Variants in UNC80 observed in about 807,000 individuals in gnomAD.
UNC80 encodes the protein protein unc-80 homolog.
A neutral mutation model predicts 384.6 loss-of-function variants in UNC80; 164 were observed. The observed-to-expected ratio is 0.43, with a 90% CI of 0.38 to 0.49. UNC80 has a LOEUF of 0.49. Among genes scored for constraint, UNC80 ranks in the 20% least tolerant of loss-of-function variants. The probability of loss-of-function intolerance (pLI) is 0.00; values close to 1 mark genes in which losing one functional copy is unlikely to be tolerated. For missense variants in UNC80, 3,330 were observed against 4,143.0 expected (o/e 0.80, Z 5.39); for synonymous variants, 1,486 against 1,527.8 (o/e 0.97, Z 0.64).
rs2079648886 is a variant in UNC80, at chr2:209,815,264, C to T, written c.1208C>T (p.Thr403Ile). The stretch of plus-strand genomic sequence containing the variant: ...CTGTCTACCTTTATTAAGGATCTCA[C>T]CATGAAGTGTAACGAGGAGGAAAAA... ...LVNTHKTQDL[T>I]MKCNEEEKSL... Residue 403 changes from threonine to isoleucine, a missense_variant, in exon 9 of 65, where the codon ACC becomes ATC. Thr to Ile is a moderately conservative substitution (Grantham distance 89, BLOSUM62 -1). Transcript: ENST00000673920. 1 of 1,551,578 alleles carries T rather than the reference C, an allele frequency of 6.4e-7. No homozygotes were observed. Among genetic ancestry groups the T allele is most frequent in the Non-Finnish European group, 8.7e-7 (1 of 1,146,960 alleles).
chr2:209,932,969 T>C (rs1172839530), intron 38 of UNC80, among the ~76,000 whole-genome samples: 1 of 152,196 alleles, frequency 6.6e-6, no homozygotes, highest in African/African-American at 2.4e-5. Flanking sequence ...TTTGCGACAC[T>C]GATTCTTTCA....
At position 209,929,879 on chromosome 2, in the gene UNC80, G is replaced by A. The variant is rs2124964127; in HGVS notation, c.5815G>A (p.Val1939Met). The change falls in exon 37 of 65, where the codon GTG becomes ATG. Residue 1939 changes from valine (V) to methionine (M), a missense_variant. Val to Met is a conservative substitution (Grantham distance 21). This residue lies in a region of UNC80 where 1,049 missense variants were observed against 1,488.6 expected (regional missense o/e 0.70). Coordinates refer to ENST00000673920, the MANE Select transcript of UNC80 (RefSeq NM_001371986.1). ...VREDGVAVSAVAQQVLWNCLI... is the reference protein window; with the variant it reads ...VREDGVAVSAMAQQVLWNCLI... The stretch of plus-strand genomic sequence containing the variant: ...TTCTTTCTCTTCTGAAGTGAGTGCT[G>A]TGGCTCAACAAGTCTTATGGAACTG... 2 of 1,527,268 alleles carry A rather than the reference G, an allele frequency of 1.3e-6. No individual in the cohort carries two copies. The highest frequency in any genetic ancestry group is 1.8e-6 in the Non-Finnish European group (2 of 1,137,862). The allele number at this position is 1,527,268 out of a possible 1,614,324, so 94.6% of individuals were successfully genotyped here.
chr2:209,836,855 T>C (rs1375357590), intron 18 of UNC80, among the ~76,000 whole-genome samples: 1 of 152,162 alleles, frequency 6.6e-6, no homozygotes, highest in Non-Finnish European at 1.5e-5. Flanking sequence ...ACTAATTTCT[T>C]TGAAACTCAA....
intron 51 of UNC80, among the ~76,000 whole-genome samples, chr2:209,962,557 G>A (rs959246050): frequency 6.6e-6 from 1 of 152,182 alleles, no homozygotes; most frequent in Non-Finnish European, 1.5e-5. Flanking sequence ...TTCAGCAAGA[G>A]CAATTGATCT....
intron 16 of UNC80, 149 bp from the exon 17 acceptor site, chr2:209,833,853 A>T: frequency 1.5e-6 from 1 of 684,804 alleles, no homozygotes; most frequent in Non-Finnish European, 2.4e-6. Flanking sequence ...GGAGTATACC[A>T]CCAGTTTCAT....
At chr2:209,924,925 TA>T (rs1281653609) in intron 35 of UNC80, among the ~76,000 whole-genome samples, 4 of 152,030 alleles carry the variant, frequency 2.6e-5, no homozygotes, top group Non-Finnish European at 5.9e-5. Context: ...TTGAGGCTTT[TA>T]GGGGGCTCCA....
At chr2:209,844,480 C>CTTTCTTT (rs1559185899) in intron 21 of UNC80, among the ~76,000 whole-genome samples, 4 of 54,022 alleles carry the variant, frequency 7.4e-5, no homozygotes, top group Non-Finnish European at 1.1e-4. Context: ...TCTTTCTTTC[C>CTTTCTTT]TTCCTTCCTT....
At chr2:209,854,688 GA>G (rs1334222036) in intron 22 of UNC80, among the ~76,000 whole-genome samples, 1 of 151,566 alleles carries the variant, frequency 6.6e-6, no homozygotes, top group Non-Finnish European at 1.5e-5. Context: ...ATAAACAAAT[GA>G]AAAAAAAGCT....
At chr2:209,835,306 G>A (rs2081265423) in intron 18 of UNC80, among the ~76,000 whole-genome samples, 1 of 152,144 alleles carries the variant, frequency 6.6e-6, no homozygotes, top group Admixed American at 6.5e-5. Flanking sequence ...TATACCAGGT[G>A]GGCTGGGAGT....
At chr2:209,992,501 T>C (rs906010700) in intron 62 of UNC80, among the ~76,000 whole-genome samples, 1 of 152,240 alleles carries the variant, frequency 6.6e-6, no homozygotes, top group Non-Finnish European at 1.5e-5. Flanking sequence ...ATATTTTGCA[T>C]TCACCCTACC....
intron 28 of UNC80, among the ~76,000 whole-genome samples, 174 bp from the exon 29 acceptor site, chr2:209,904,591 G>T (rs2087946269): frequency 6.6e-6 from 1 of 152,182 alleles, no homozygotes; most frequent in African/African-American, 2.4e-5. Flanking sequence ...GAGAACAAAA[G>T]GCCATGTGGA....
chr2:209,970,746 A>G, intron 53 of UNC80, 86 bp from the exon 54 acceptor site: 1 of 1,429,062 alleles, frequency 7.0e-7, no homozygotes, highest in African/African-American at 1.4e-5. Context: ...TATCATTTTT[A>G]TTATCATCAT....
At chr2:209,946,118 T>G (rs1404751181) in intron 47 of UNC80, among the ~76,000 whole-genome samples, 175 bp downstream of exon 47, 1 of 152,170 alleles carries the variant, frequency 6.6e-6, no homozygotes, top group Non-Finnish European at 1.5e-5. Context: ...CCCAGCACTT[T>G]GGAAGGCTGA....
chr2:209,945,843 T>G lies in UNC80; in HGVS notation c.7190-4T>G. The G allele has an allele frequency of 1.9e-6, 3 of 1,550,778 alleles. No individual in the cohort carries two copies. Among genetic ancestry groups the G allele is most frequent in the Non-Finnish European group, 2.6e-6 (3 of 1,146,112 alleles). ...TAGTTTGCCTTTACTTTTTGTTCCTTCAGATTTCTGCTATGGAAACGAAGA... is the reference window on the plus strand; with the variant it reads ...TAGTTTGCCTTTACTTTTTGTTCCTGCAGATTTCTGCTATGGAAACGAAGA... On this transcript the variant is annotated splice_polypyrimidine_tract_variant and splice_region_variant and intron_variant, in intron 46 of 64. Transcript: ENST00000673920.
chr2:209,955,821 G>A (rs1319917802), intron 48 of UNC80, among the ~76,000 whole-genome samples: 1 of 147,886 alleles, frequency 6.8e-6, no homozygotes, highest in Non-Finnish European at 1.5e-5. Flanking sequence ...TTGGCTCACT[G>A]CAACCTCCGC....
rs1301251694 is a variant in UNC80, at chr2:209,872,701, A to G, written c.3628-57A>G. Reference sequence around the variant, plus strand: ...TACACAGTAATTCCCTTTAAGACCAATTTAAAGTTATTGTTCATTAATCCC... The same window carrying G: ...TACACAGTAATTCCCTTTAAGACCAGTTTAAAGTTATTGTTCATTAATCCC... On this transcript the variant is annotated intron_variant, in intron 22 of 64. Transcript: ENST00000673920. This position sits in a 1 kb window ranked among gnomAD's most constrained non-coding sequence, Gnocchi z 4.1. The G allele has an allele frequency of 2.1e-6, 3 of 1,427,118 alleles. No individual in the cohort carries two copies. The highest frequency in any genetic ancestry group is 2.9e-6 in the Non-Finnish European group (3 of 1,034,814). The allele number at this position is 1,427,118 out of a possible 1,614,324, so 88.4% of individuals were successfully genotyped here.
chr2:209,782,888 T>C (rs1439794802), intron 4 of UNC80, among the ~76,000 whole-genome samples: 1 of 151,580 alleles, frequency 6.6e-6, no homozygotes, highest in African/African-American at 2.4e-5. Flanking sequence ...AACATTGTCA[T>C]GATTTTGCCA....
intron 7 of UNC80, among the ~76,000 whole-genome samples, chr2:209,808,550 C>T (rs941096106): frequency 2.1e-5 from 3 of 146,054 alleles, no homozygotes; most frequent in Non-Finnish European, 4.5e-5. Context: ...AAAAGTAAGG[C>T]GGGCCCAGGC....
rs1018179391 is a variant in UNC80 at position 209,907,882 on chromosome 2, G to A, written c.4782+2917G>A. Among the ~76,000 whole-genome samples, 22 of 152,320 alleles carry A rather than the reference G, an allele frequency of 1.4e-4. 1 individual carries two copies. Among genetic ancestry groups the A allele is most frequent in the African/African-American group, 5.3e-4 (22 of 41,568 alleles). On this transcript the variant is annotated intron_variant, in intron 29 of 64. Transcript: ENST00000673920. ...GTGCCCTCCACTCTGCCTCAACCAG[G>A]CCCCTGGCCTGAAGCAGTAGAAAAA...
Sources: allele counts gnomAD v4.1 joint callset (sites outside exome capture counted in the v4.1 genomes callset), GRCh38; gene constraint gnomAD v4.1.1; regional missense constraint gnomAD v4.1.1; non-coding constraint Gnocchi (gnomAD v3.1); transcripts MANE v1.5; gene names NCBI Gene and HGNC (gene_info 2026-07-23, HGNC 2026-07-21).